Variants in GAB2 observed in about 807,000 individuals in gnomAD.
GAB2 encodes the protein GRB2-associated-binding protein 2.
GAB2 carries 26 observed loss-of-function variants against 65.5 expected under a neutral mutation model. The observed-to-expected ratio is 0.40, with a 90% CI of 0.29 to 0.55. The LOEUF (loss-of-function observed/expected upper bound fraction) is 0.55, where lower values mean the gene tolerates loss of function less well. GAB2 is among the 20% of genes least tolerant of loss of function. GAB2 has a pLI of 0.53. For synonymous variants in GAB2, 321 were observed against 329.6 expected, an observed-to-expected ratio of 0.97 and a Z score of 0.28; for missense variants, 884 against 875.8, an observed-to-expected ratio of 1.01 and a Z score of -0.12.
At chr11:78,302,703 T>C (rs138282531) in intron 1 of GAB2, among the ~76,000 whole-genome samples, 1,972 of 152,228 alleles carry the variant, frequency 0.013, 49 homozygotes, top group African/African-American at 0.045. Context: ...AAAGAAGCCA[T>C]TATACAAAAA....
intron 1 of GAB2, among the ~76,000 whole-genome samples, chr11:78,409,690 T>A (rs908272006): frequency 1.4e-4 from 21 of 152,274 alleles, no homozygotes; most frequent in African/African-American, 4.8e-4. Flanking sequence ...AACCCCTGTC[T>A]CTCAACAATC....
At chr11:78,336,279 A>G (rs532744641) in intron 1 of GAB2, among the ~76,000 whole-genome samples, 1 of 130,052 alleles carries the variant, frequency 7.7e-6, no homozygotes, top group South Asian at 2.5e-4. Flanking sequence ...GCACCACTGC[A>G]CTCACTGCAC....
chr11:78,246,445 C>G (rs1398433678), intron 3 of GAB2, among the ~76,000 whole-genome samples: 1 of 152,094 alleles, frequency 6.6e-6, no homozygotes, highest in Non-Finnish European at 1.5e-5. Context: ...ATGCTGTGAA[C>G]ATGATGTTGT....
chr11:78,304,471 A>C (rs941170750), intron 1 of GAB2, among the ~76,000 whole-genome samples: 1 of 152,194 alleles, frequency 6.6e-6, no homozygotes, highest in Non-Finnish European at 1.5e-5. Flanking sequence ...GATTTCGCCA[A>C]GGGCCAGGCT....
At chr11:78,286,318 T>C (rs1866480539) in intron 1 of GAB2, among the ~76,000 whole-genome samples, 1 of 152,122 alleles carries the variant, frequency 6.6e-6, no homozygotes, top group African/African-American at 2.4e-5. Context: ...CCAGCACAAA[T>C]GTCACTTCTC....
chr11:78,309,381 C>T (rs908050880), intron 1 of GAB2, among the ~76,000 whole-genome samples: 1 of 152,058 alleles, frequency 6.6e-6, no homozygotes, highest in Admixed American at 6.5e-5. Context: ...TAACTAACAG[C>T]CTTTCCCCAG....
chr11:78,321,536 T>C (rs1264082348), intron 1 of GAB2, among the ~76,000 whole-genome samples: 3 of 152,212 alleles, frequency 2.0e-5, no homozygotes, highest in Admixed American at 2.0e-4. Flanking sequence ...AAATGGTTCC[T>C]GTAATTAAGA....
chr11:78,331,712 C>T (rs1292083299), intron 1 of GAB2, among the ~76,000 whole-genome samples: 5 of 151,944 alleles, frequency 3.3e-5, no homozygotes, highest in Admixed American at 3.3e-4. Flanking sequence ...GCCCACGCTG[C>T]TCTGGGCCTA....
In GAB2 at chr11:78,377,282, G is replaced by A. The variant is rs148808007; in HGVS notation, c.75+40364C>T. Among the ~76,000 whole-genome samples the A allele has an allele frequency of 2.1e-3, 324 of 152,348 alleles. 1 individual carries two copies. Among genetic ancestry groups the A allele is most frequent in the African/African-American group, 7.2e-3 (299 of 41,576 alleles). On this transcript the variant is annotated intron_variant, in intron 1 of 9. Coordinates refer to ENST00000361507, the MANE Select transcript of GAB2 (RefSeq NM_080491.3). ...GAAGGAACTAGTAGGTCCAGTGTCT[G>A]GTGACGGCCCTTTTCCAGCTTTACA...
Position 78,219,226 on chromosome 11 carries a change from C to T in GAB2, c.*46G>A, listed in dbSNP as rs776982504. The T allele has an allele frequency of 5.7e-6, 9 of 1,585,406 alleles. No homozygotes were observed. The Admixed American group carries it at 8.4e-5, about 15-fold the overall frequency. ...GAGGGGAGAGGGGAGATGGGAAGGGCCAGCTCTGGAGATGCTGCCTCCTGG... is the reference window on the plus strand; with the variant it reads ...GAGGGGAGAGGGGAGATGGGAAGGGTCAGCTCTGGAGATGCTGCCTCCTGG... On this transcript the variant is annotated 3_prime_UTR_variant, in exon 10 of 10. Transcript: ENST00000361507.
chr11:78,280,621 T>A lies in GAB2; in HGVS notation c.356A>T (p.Asn119Ile). Residue 119 changes from asparagine (N) to isoleucine (I), a missense_variant, in exon 2 of 10, where the codon AAT (asparagine) becomes ATT (isoleucine). Asn to Ile is a moderately radical substitution (Grantham distance 149). Coordinates refer to ENST00000361507, the MANE Select transcript of GAB2 (RefSeq NM_080491.3). ...CATACCTGTGCTCTCCTCAGCCTGATTGAAGCCACAGATCTGGCAGATGCT... is the reference window on the plus strand; with the variant it reads ...CATACCTGTGCTCTCCTCAGCCTGAATGAAGCCACAGATCTGGCAGATGCT... ...VQSICQICGF[N>I]QAEESTDSLR... 1.1e-5 allele frequency: 17 copies of A among 1,614,038 alleles called. No homozygotes were observed. The highest frequency in any genetic ancestry group is 1.4e-5 in the Non-Finnish European group (17 of 1,179,892).
chr11:78,342,744 G>A (rs1027974757), intron 1 of GAB2, among the ~76,000 whole-genome samples: 20 of 152,122 alleles, frequency 1.3e-4, no homozygotes, highest in Non-Finnish European at 2.9e-5. Context: ...AGACTTGTGT[G>A]GTAGCTTCTT....
chr11:78,329,731 A>G (rs1855883721), intron 1 of GAB2, among the ~76,000 whole-genome samples: 1 of 152,190 alleles, frequency 6.6e-6, no homozygotes, highest in Non-Finnish European at 1.5e-5. Context: ...ATAACTAGAA[A>G]CACAGAGATC....
intron 1 of GAB2, among the ~76,000 whole-genome samples, chr11:78,309,927 TGTGTGTGTGTGTG>T (rs1305720322): frequency 6.4e-4 from 9 of 14,148 alleles, no homozygotes; most frequent in Non-Finnish European, 4.8e-3. Flanking sequence ...GGGTTAGAAA[TGTGTGTGTGTGTG>T]TGTGTGTGTG....
intron 8 of GAB2, among the ~76,000 whole-genome samples, chr11:78,221,421 T>A (rs1226261185): frequency 6.6e-6 from 1 of 152,212 alleles, no homozygotes; most frequent in East Asian, 1.9e-4. Flanking sequence ...CATGTCACTG[T>A]CATGAGAGGC....
intron 1 of GAB2, among the ~76,000 whole-genome samples, chr11:78,294,044 T>A (rs1415940553): frequency 6.6e-6 from 1 of 152,102 alleles, no homozygotes; most frequent in East Asian, 1.9e-4. Flanking sequence ...ATTAGGTATC[T>A]CTCCTAATGC....
At position 78,254,305 on chromosome 11, in the gene GAB2, T is replaced by C. The variant is rs1027866918; in HGVS notation, c.377-3905A>G. Reference sequence around the variant, plus strand: ...TCAATACACATTTGTTGACTGATCATACTGAAAAAATAAAAGAATTTTCCC... The same window carrying C: ...TCAATACACATTTGTTGACTGATCACACTGAAAAAATAAAAGAATTTTCCC... On this transcript the variant is annotated intron_variant, in intron 2 of 9. Transcript: ENST00000361507. 3.3e-5 allele frequency among the ~76,000 whole-genome samples: 5 copies of C among 152,200 alleles called. No homozygotes were observed. The South Asian group carries it at 1.0e-3, about 31-fold the overall frequency.
Position 78,323,790 on chromosome 11 carries a change from C to CTTTTTTTTTTTTTTT in GAB2, c.76-42904_76-42890dup, listed in dbSNP as rs749282969. On this transcript the variant is annotated intron_variant, in intron 1 of 9. Transcript: ENST00000361507. Reference sequence around the variant, plus strand: ...CTACACGTGTACCCCCTGAATCTTTCTTTTTTTTTTTTTTTTTTTTTTTTT... The same window carrying CTTTTTTTTTTTTTTT: ...CTACACGTGTACCCCCTGAATCTTTCTTTTTTTTTTTTTTTTTTTTTTTTTTTTTTTTTTTTTTTT... Among the ~76,000 whole-genome samples, 4 of 77,260 alleles carry CTTTTTTTTTTTTTTT rather than the reference C, an allele frequency of 5.2e-5. 1 individual carries two copies. The highest frequency in any genetic ancestry group is 3.6e-4 in the Admixed American group (2 of 5,578). 50.7% of individuals were successfully genotyped at this position (77,260 alleles called of 152,430 possible).
At chr11:78,311,190 G>T (rs983904677) in intron 1 of GAB2, among the ~76,000 whole-genome samples, 1 of 152,146 alleles carries the variant, frequency 6.6e-6, no homozygotes, top group Non-Finnish European at 1.5e-5. Context: ...TTTACTAAAT[G>T]AAAGTAAGTT....
Sources: allele counts gnomAD v4.1 joint callset (sites outside exome capture counted in the v4.1 genomes callset), GRCh38; gene constraint gnomAD v4.1.1; transcripts MANE v1.5; gene names NCBI Gene and HGNC (gene_info 2026-07-23, HGNC 2026-07-21).